The following MIDN variants were observed in gnomAD, a reference collection of about 807,000 sequenced individuals.
MIDN encodes the protein midnolin, also known as midbrain nucleolar protein.
A neutral mutation model predicts 46.1 loss-of-function variants in MIDN; 26 were observed. That is an observed-to-expected ratio of 0.56 (90% CI 0.41 to 0.78). MIDN has a LOEUF of 0.78. Ranked by LOEUF, MIDN falls within the 30% of genes least tolerant of loss-of-function variation. The probability of loss-of-function intolerance (pLI) is 0.00; values close to 1 mark genes in which losing one functional copy is unlikely to be tolerated. For synonymous variants in MIDN, 432 were observed against 343.3 expected (o/e 1.26, Z -2.86); for missense variants, 850 against 771.8 (o/e 1.10, Z -1.20).
Position 1,251,829 on chromosome 19 carries a change from C to G in MIDN, c.322-10C>G, listed in dbSNP as rs376860057. On this transcript the variant is annotated splice_polypyrimidine_tract_variant and intron_variant, in intron 3 of 8. Transcript: ENST00000682408. ...CCACACTCAGGCCCCTCTCCTCCCT[C>G]TCTTTGTAGTCTCAGGCCTCAAGGC... is the stretch of plus-strand genomic sequence containing the variant. The G allele has an allele frequency of 3.2e-5, 52 of 1,612,328 alleles. No individual in the cohort carries two copies. Among genetic ancestry groups the G allele is most frequent in the Non-Finnish European group, 3.4e-6 (4 of 1,178,866 alleles).
In MIDN at chr19:1,256,900, G is replaced by T. The variant is rs558882959; in HGVS notation, c.1259-95G>T. The T allele has an allele frequency of 9.6e-6, 15 of 1,555,588 alleles. No homozygotes were observed. In the African/African-American group the frequency reaches 1.5e-4, roughly 16 times the overall value. ...CTCCCTCCAGGGAGGGCAGGACTGT[G>T]TCTGACCTCAGGGGCATTTGCTGGG... is the stretch of plus-strand genomic sequence containing the variant. On this transcript the variant is annotated intron_variant, in intron 8 of 8. Coordinates refer to ENST00000682408, the MANE Select transcript of MIDN (RefSeq NM_001388306.1).
rs796369265 is a variant in MIDN at position 1,254,912 on chromosome 19, G to C, written c.836G>C (p.Cys279Ser). The C allele has an allele frequency of 2.5e-6, 4 of 1,604,686 alleles. No individual in the cohort carries two copies. In the African/African-American group the frequency reaches 5.3e-5, roughly 21 times the overall value. ...CCTTCCTCCCATCAGCAGATGGACT[G>C]CTCCCCCACGGCCAGCAGCAGTGCC... is the stretch of plus-strand genomic sequence containing the variant. ...ASTTCPEQMD[C>S]SPTASSSASP... Residue 279 changes from cysteine to serine, a missense_variant, in exon 7 of 9, where the codon TGC (cysteine) becomes TCC (serine). Coordinates refer to ENST00000682408, the MANE Select transcript of MIDN (RefSeq NM_001388306.1).
rs1461023008 is a variant in MIDN, at chr19:1,251,573, C to T, written c.245C>T (p.Ser82Leu). Residue 82 changes from serine (S) to leucine (L), a missense_variant, in exon 3 of 9, where the codon TCG becomes TTG. Physicochemically the swap from Ser to Leu is moderately radical, Grantham distance 145. Coordinates refer to ENST00000682408, the MANE Select transcript of MIDN (RefSeq NM_001388306.1). The stretch of plus-strand genomic sequence containing the variant: ...CTTCCTCCCCCCAGCCGGCTCAGTT[C>T]GGGGAAGCTGCAGGAGTTCGGCGTG... ...ALLHKDTRLS[S>L]GKLQEFGVGD... 1.2e-6 allele frequency: 2 copies of T among 1,607,744 alleles called. No individual in the cohort carries two copies. The highest frequency in any genetic ancestry group is 2.2e-5 in the East Asian group (1 of 44,808).
At chr19:1,248,733 T>C (rs2081085020) in intron 1 of MIDN, 73 bp downstream of exon 1, 1 of 152,034 alleles carries the variant, frequency 6.6e-6, no homozygotes, top group Non-Finnish European at 1.5e-5. Context: ...TGCCCGCACT[T>C]TTCTTTGTTC....
Position 1,255,636 on chromosome 19 carries a change from T to C in MIDN, c.1200T>C (p.Ala400=), listed in dbSNP as rs2145496515. The change falls in exon 8 of 9, where the codon GCT becomes GCC. Residue 400 remains alanine, a synonymous_variant. Transcript: ENST00000682408. The stretch of plus-strand genomic sequence containing the variant: ...CTACCTCCTGCGAGAAGCTCACGGC[T>C]GCCCCCTCAGCCTCCCTGCTGCAGG... ...PRTTSCEKLT[A]APSASLLQGQ... 1.2e-6 allele frequency: 2 copies of C among 1,605,264 alleles called. No homozygotes were observed. The highest frequency in any genetic ancestry group is 1.7e-6 in the Non-Finnish European group (2 of 1,178,636).
In MIDN at chr19:1,255,552, G is replaced by T. The variant is rs372010057; in HGVS notation, c.1116G>T (p.Gln372His). 3.8e-5 allele frequency: 62 copies of T among 1,611,734 alleles called. No homozygotes were observed. Among genetic ancestry groups the T allele is most frequent in the African/African-American group, 5.3e-5 (4 of 74,924 alleles). The change falls in exon 8 of 9, where the codon CAG (glutamine) becomes CAT (histidine). Residue 372 changes from glutamine to histidine, a missense_variant. Coordinates refer to ENST00000682408, the MANE Select transcript of MIDN (RefSeq NM_001388306.1). Reference protein sequence around the residue: ...HYQGMPPSLAQLRCHAQCSPA... With the variant: ...HYQGMPPSLAHLRCHAQCSPA... Reference sequence around the variant, plus strand: ...AGGGCATGCCCCCTTCGCTGGCCCAGCTCCGCTGCCACGCCCAGTGCTCCC... The same window carrying T: ...AGGGCATGCCCCCTTCGCTGGCCCATCTCCGCTGCCACGCCCAGTGCTCCC...
chr19:1,250,840 C>G (rs1243948368), intron 2 of MIDN, among the ~76,000 whole-genome samples: 1 of 152,048 alleles, frequency 6.6e-6, no homozygotes. Context: ...CCCCTCCCGC[C>G]TGCGTCCGCG....
chr19:1,253,044 T>TGGGGGGGGGGGG (rs111898804), intron 4 of MIDN, among the ~76,000 whole-genome samples: 61 of 131,704 alleles, frequency 4.6e-4, no homozygotes, highest in African/African-American at 7.8e-4. Flanking sequence ...TGGGGGGGGC[T>TGGGGGGGGGGGG]GGAGGGGGTG....
At chr19:1,254,790 T>C (rs1261541105) in intron 6 of MIDN, 112 bp from the exon 7 acceptor site, 4 of 1,265,694 alleles carry the variant, frequency 3.2e-6, no homozygotes, top group Non-Finnish European at 4.4e-6. Flanking sequence ...CTCTAAACCC[T>C]GTGTTGACAG....
intron 8 of MIDN, 92 bp from the exon 9 acceptor site, chr19:1,256,903 T>A: frequency 6.4e-7 from 1 of 1,562,862 alleles, no homozygotes; most frequent in Non-Finnish European, 8.6e-7. Context: ...GGACTGTGTC[T>A]GACCTCAGGG....
Position 1,254,352 on chromosome 19 carries a change from G to C in MIDN, c.699G>C (p.Ser233=), listed in dbSNP as rs767138593. ...GDPSIASPVS[S]PCRPVSSAAR... The stretch of plus-strand genomic sequence containing the variant: ...CCAGCATAGCCTCCCCCGTGTCCTC[G>C]CCCTGCCGGCCGGTGTCCAGTGCCG... Residue 233 remains serine (S), a synonymous_variant, in exon 6 of 9, where the codon TCG becomes TCC. Coordinates refer to ENST00000682408, the MANE Select transcript of MIDN (RefSeq NM_001388306.1). 2 of 1,562,110 alleles carry C rather than the reference G, an allele frequency of 1.3e-6. No homozygotes were observed. Among genetic ancestry groups the C allele is most frequent in the Non-Finnish European group, 1.7e-6 (2 of 1,160,742 alleles).
At chr19:1,252,959 C>T (rs543673858) in intron 4 of MIDN, among the ~76,000 whole-genome samples, 22 of 138,314 alleles carry the variant, frequency 1.6e-4, no homozygotes, top group African/African-American at 5.8e-4. Flanking sequence ...TGGGGGGCTG[C>T]GGTTGGCAGG....
At position 1,257,105 on chromosome 19, in the gene MIDN, G is replaced by C. The variant is rs763834960; in HGVS notation, c.1369G>C (p.Gly457Arg). The change falls in exon 9 of 9, where the codon GGT (glycine) becomes CGT (arginine). Residue 457 changes from glycine (G) to arginine (R), a missense_variant. Transcript: ENST00000682408. ...LRRKARRDAR[G>R]PYHWSPSRKA... ...TAGAAAGGCCCGGCGGGACGCGCGG[G>C]GTCCGTACCACTGGTCACCCAGCCG... The C allele has an allele frequency of 1.2e-6, 2 of 1,611,990 alleles. No individual in the cohort carries two copies. Among genetic ancestry groups the C allele is most frequent in the Non-Finnish European group, 1.7e-6 (2 of 1,179,650 alleles).
At chr19:1,254,578 A>T (rs778111608) in intron 6 of MIDN, 100 bp downstream of exon 6, 1 of 1,285,972 alleles carries the variant, frequency 7.8e-7, no homozygotes, top group East Asian at 2.5e-5. Context: ...GTCCCAGGTG[A>T]GTCCCTTGTA....
Position 1,255,448 on chromosome 19 carries a change from A to G in MIDN, c.1012A>G (p.Ser338Gly), listed in dbSNP as rs1450791583. ...SGTLHPNCQD[S>G]SGRPRRDIGT... ...CACGCTACACCCCAACTGCCAAGAC[A>G]GCAGCGGGCGGCCGCGGCGTGACAT... Residue 338 changes from serine (S) to glycine (G), a missense_variant, in exon 8 of 9, where the codon AGC becomes GGC. Physicochemically the swap from Ser to Gly is moderately conservative, Grantham distance 56. Transcript: ENST00000682408. 1.9e-6 allele frequency: 3 copies of G among 1,600,348 alleles called. No homozygotes were observed. In the Admixed American group the frequency reaches 5.1e-5, roughly 27 times the overall value.
chr19:1,251,570 G>C lies in MIDN; in HGVS notation c.242G>C (p.Ser81Thr). 1 of 1,607,874 alleles carries C rather than the reference G, an allele frequency of 6.2e-7. No individual in the cohort carries two copies. Among genetic ancestry groups the C allele is most frequent in the South Asian group, 1.1e-5 (1 of 90,512 alleles). The change falls in exon 3 of 9, where the codon AGT becomes ACT. Residue 81 changes from serine to threonine, a missense_variant. Ser to Thr is a moderately conservative substitution (Grantham distance 58). Transcript: ENST00000682408. ...TTCCTTCCTCCCCCCAGCCGGCTCA[G>C]TTCGGGGAAGCTGCAGGAGTTCGGC... ...LALLHKDTRLSSGKLQEFGVG... is the reference protein window; with the variant it reads ...LALLHKDTRLTSGKLQEFGVG...
intron 4 of MIDN, 106 bp from the exon 5 acceptor site, chr19:1,253,844 GTGAC>G (rs1377006277): frequency 5.5e-6 from 5 of 905,804 alleles, no homozygotes; most frequent in Non-Finnish European, 5.9e-6. Flanking sequence ...TTTGAGGTCA[GTGAC>G]TGCCAGCTGG....
chr19:1,251,488 C>T (rs986661397), intron 2 of MIDN, 74 bp from the exon 3 acceptor site: 19 of 1,371,712 alleles, frequency 1.4e-5, no homozygotes, highest in Non-Finnish European at 1.8e-5. Flanking sequence ...AAGCACAGCC[C>T]TCCCCCGCGG....
Position 1,253,973 on chromosome 19 carries a change from C to T in MIDN, c.404C>T (p.Pro135Leu), listed in dbSNP as rs1317155189. ...TETQPPAAPGPGRAGGGGFRK... is the reference protein window; with the variant it reads ...TETQPPAAPGLGRAGGGGFRK... ...CCACAGCCCCCAGCGGCGCCCGGGCCGGGCCGGGCTGGCGGAGGAGGCTTC... is the reference window on the plus strand; with the variant it reads ...CCACAGCCCCCAGCGGCGCCCGGGCTGGGCCGGGCTGGCGGAGGAGGCTTC... The change falls in exon 5 of 9, where the codon CCG becomes CTG. Residue 135 changes from proline (P) to leucine (L), a missense_variant. Transcript: ENST00000682408. 1.1e-5 allele frequency: 16 copies of T among 1,394,172 alleles called. No homozygotes were observed. Among genetic ancestry groups the T allele is most frequent in the Admixed American group, 6.8e-5 (2 of 29,348 alleles). The allele number at this position is 1,394,172 out of a possible 1,614,324, so 86.4% of individuals were successfully genotyped here. A position where few individuals can be genotyped will look rare whatever the true frequency, so the allele number is the denominator to read the frequency against.
Sources: gnomAD v4.1 joint callset for allele counts (sites outside exome capture counted in the v4.1 genomes callset) on GRCh38, gnomAD v4.1.1 for gene constraint, MANE v1.5 for transcripts, NCBI Gene and HGNC (gene_info 2026-07-23, HGNC 2026-07-21) for gene names.